The following BICC1 variants were observed in gnomAD, a reference collection of about 807,000 sequenced individuals.
The protein encoded by BICC1 is protein bicaudal C homolog 1.
A neutral mutation model predicts 111.0 loss-of-function variants in BICC1; 43 were observed. That is an observed-to-expected ratio of 0.39 (90% confidence interval 0.30 to 0.50). The LOEUF (loss-of-function observed/expected upper bound fraction) is 0.50. Among genes scored for constraint, BICC1 ranks in the 20% least tolerant of loss-of-function variants. The probability of loss-of-function intolerance (pLI) is 0.88; values close to 1 mark genes in which losing one functional copy is unlikely to be tolerated. For synonymous variants in BICC1, 467 were observed against 434.4 expected, an observed-to-expected ratio of 1.07 and a Z score of -0.93; for missense variants, 1,091 against 1,203.2, an observed-to-expected ratio of 0.91 and a Z score of 1.38.
chr10:58,552,854 G>A (rs1324153724), intron 1 of BICC1, among the ~76,000 whole-genome samples: 1 of 152,074 alleles, frequency 6.6e-6, no homozygotes, highest in Non-Finnish European at 1.5e-5. Context: ...TCCTTGTGAC[G>A]TTTTTTAAAC....
At chr10:58,619,403 A>C (rs1024066029) in intron 1 of BICC1, among the ~76,000 whole-genome samples, 1 of 152,100 alleles carries the variant, frequency 6.6e-6, no homozygotes, top group Non-Finnish European at 1.5e-5. Flanking sequence ...TAACTGTAAA[A>C]TTTAAGTTGG....
intron 1 of BICC1, among the ~76,000 whole-genome samples, chr10:58,547,945 T>C (rs1843184755): frequency 6.6e-6 from 1 of 152,186 alleles, no homozygotes; most frequent in Admixed American, 6.6e-5. Context: ...GTTTCTTTTA[T>C]TGGAGACTGT....
Position 58,542,119 on chromosome 10 carries a change from C to T in BICC1, c.190+28786C>T, listed in dbSNP as rs575362788. On this transcript the variant is annotated intron_variant, in intron 1 of 20. Transcript: ENST00000373886. ...AGAGCTGTGATCACGCCACTGCACT[C>T]CAGCCCAGGTGACAGAGCAAGACCC... Among the ~76,000 whole-genome samples, 13 of 137,648 alleles carry T rather than the reference C, an allele frequency of 9.4e-5. No homozygotes were observed. The Admixed American group carries it at 1.1e-3, about 12-fold the overall frequency. 90.3% of individuals were successfully genotyped at this position (137,648 alleles called of 152,430 possible). A position where few individuals can be genotyped will look rare whatever the true frequency, so the allele number is the denominator to read the frequency against.
chr10:58,551,144 T>A (rs72800551), intron 1 of BICC1, among the ~76,000 whole-genome samples: 1 of 152,088 alleles, frequency 6.6e-6, no homozygotes, highest in Non-Finnish European at 1.5e-5. Context: ...AAAGCAGGGC[T>A]TTTAAAATTT....
intron 19 of BICC1, among the ~76,000 whole-genome samples, chr10:58,819,949 C>G (rs1361570702): frequency 2.6e-5 from 4 of 152,124 alleles, no homozygotes; most frequent in Non-Finnish European, 5.9e-5. Context: ...ATTCTTCTTT[C>G]AATCCTTTCA....
chr10:58,649,017 C>T (rs1838358992), intron 2 of BICC1, among the ~76,000 whole-genome samples: 1 of 152,138 alleles, frequency 6.6e-6, no homozygotes, highest in Admixed American at 6.5e-5. Flanking sequence ...ATAACAACAG[C>T]CACTATTACA....
chr10:58,562,175 A>G (rs558887498), intron 1 of BICC1, among the ~76,000 whole-genome samples: 54 of 152,224 alleles, frequency 3.5e-4, no homozygotes, highest in African/African-American at 1.3e-3. Context: ...TTCAGCTAGT[A>G]TTTCATTAAA....
At chr10:58,711,611 GCTAGTTCCGC>G (rs1840575557) in intron 3 of BICC1, among the ~76,000 whole-genome samples, 1 of 152,138 alleles carries the variant, frequency 6.6e-6, no homozygotes, top group African/African-American at 2.4e-5. Context: ...TTGATCTCCA[GCTAGTTCCGC>G]CTTCTTCTCT....
intron 3 of BICC1, among the ~76,000 whole-genome samples, chr10:58,750,910 A>G (rs908276148): frequency 7.9e-5 from 12 of 152,082 alleles, no homozygotes; most frequent in Non-Finnish European, 1.2e-4. Flanking sequence ...GCTGATTCCT[A>G]TTTCGTGTTT....
intron 2 of BICC1, among the ~76,000 whole-genome samples, chr10:58,633,292 G>C (rs936085908): frequency 1.6e-4 from 24 of 152,240 alleles, no homozygotes; most frequent in Non-Finnish European, 2.9e-4. Flanking sequence ...AAATTACCCG[G>C]TCTTGGGTAT....
At chr10:58,799,782 A>G (rs542967001) in intron 12 of BICC1, among the ~76,000 whole-genome samples, 2 of 152,052 alleles carry the variant, frequency 1.3e-5, no homozygotes, top group South Asian at 4.1e-4. Context: ...GTCAGGTAGT[A>G]TGATGCCTCT....
rs780995274 is a variant in BICC1 at position 58,513,276 on chromosome 10, G to A, written c.133G>A (p.Glu45Lys). 7.4e-6 allele frequency: 12 copies of A among 1,612,742 alleles called. No individual in the cohort carries two copies. The East Asian group carries it at 2.7e-4, about 36-fold the overall frequency. Residue 45 changes from glutamate to lysine, a missense_variant, in exon 1 of 21, where the codon GAG becomes AAG. Physicochemically the swap from Glu to Lys is moderately conservative, Grantham distance 56. Coordinates refer to ENST00000373886, the MANE Select transcript of BICC1 (RefSeq NM_001080512.3). ...LVAGATLHSP[E>K]WSEERFRVDR... ...CGCCGGGGCGACCCTGCACAGCCCG[G>A]AGTGGAGCGAGGAGCGCTTCCGCGT...
chr10:58,531,619 T>C (rs1215038114), intron 1 of BICC1, among the ~76,000 whole-genome samples: 1 of 151,742 alleles, frequency 6.6e-6, no homozygotes, highest in African/African-American at 2.4e-5. Context: ...ACCTGACAAA[T>C]AGTTTAAAAG....
At chr10:58,516,798 T>G (rs766048365) in intron 1 of BICC1, among the ~76,000 whole-genome samples, 11 of 152,272 alleles carry the variant, frequency 7.2e-5, no homozygotes, top group Non-Finnish European at 1.3e-4. Context: ...TAAATTTTAG[T>G]TAAATTAACT....
intron 3 of BICC1, among the ~76,000 whole-genome samples, chr10:58,707,568 C>T (rs1305806334): frequency 6.6e-6 from 1 of 152,112 alleles, no homozygotes; most frequent in Non-Finnish European, 1.5e-5. Flanking sequence ...CTCACTCTGT[C>T]ACCCAAGCTG....
At position 58,676,071 on chromosome 10, in the gene BICC1, T is replaced by G. The variant is rs572079404; in HGVS notation, c.238-26003T>G. Among the ~76,000 whole-genome samples the G allele has an allele frequency of 2.2e-3, 331 of 152,018 alleles. 4 individuals carry two copies. The South Asian group carries it at 0.023, about 10-fold the overall frequency. ...TCCCCTAGCCAAGGGAAGCTATGAG[T>G]GAGGGATGGTGCTATCTGGCCCAGA... On this transcript the variant is annotated intron_variant, in intron 2 of 20. Transcript: ENST00000373886.
intron 2 of BICC1, among the ~76,000 whole-genome samples, chr10:58,632,996 T>C (rs1202572711): frequency 2.0e-5 from 3 of 152,196 alleles, no homozygotes; most frequent in Non-Finnish European, 4.4e-5. Flanking sequence ...CTATTCATTA[T>C]TGATATGGTT....
At chr10:58,791,174 A>G (rs959211045) in intron 8 of BICC1, among the ~76,000 whole-genome samples, 2 of 152,156 alleles carry the variant, frequency 1.3e-5, no homozygotes, top group Non-Finnish European at 2.9e-5. Flanking sequence ...AATATACTGT[A>G]CTACAAGTCA....
At chr10:58,640,862 A>G (rs1210076426) in intron 2 of BICC1, among the ~76,000 whole-genome samples, 1 of 152,212 alleles carries the variant, frequency 6.6e-6, no homozygotes, top group Non-Finnish European at 1.5e-5. Context: ...AAGCTCTTCA[A>G]TTTTTAAACA....
Sources: allele counts gnomAD v4.1 joint callset (sites outside exome capture counted in the v4.1 genomes callset), GRCh38; gene constraint gnomAD v4.1.1; transcripts MANE v1.5; gene names NCBI Gene and HGNC (gene_info 2026-07-23, HGNC 2026-07-21).